The following POU2F2 variants were observed in gnomAD, a reference collection of about 807,000 sequenced individuals.
The protein encoded by POU2F2 is POU domain, class 2, transcription factor 2.
POU2F2 carries 14 observed loss-of-function variants against 63.5 expected under a neutral mutation model. That is an observed-to-expected ratio of 0.22 (90% CI 0.15 to 0.34). POU2F2 has a LOEUF of 0.34. POU2F2 is among the 10% of genes least tolerant of loss of function. POU2F2 has a pLI of 1.00. For synonymous variants in POU2F2, 306 were observed against 348.6 expected (o/e 0.88, Z 1.36); for missense variants, 607 against 815.2 (o/e 0.74, Z 3.11).
In POU2F2 at chr19:42,183,356, A is replaced by AT. The variant is rs544333125; in HGVS notation, c.-70+13026dup. Among the ~76,000 whole-genome samples the AT allele has an allele frequency of 3.7e-4, 56 of 152,344 alleles. 1 individual carries two copies. The South Asian group carries it at 0.011, about 29-fold the overall frequency. On this transcript the variant is annotated intron_variant, in intron 1 of 5. Transcript: ENST00000532176. Reference sequence around the variant, plus strand: ...GATGCAGAAGACCACACACTGTAGGATTCCATTTACATGAAATTCTAGACA... The same window carrying AT: ...GATGCAGAAGACCACACACTGTAGGATTTCCATTTACATGAAATTCTAGACA...
intron 5 of POU2F2, among the ~76,000 whole-genome samples, chr19:42,102,095 T>C (rs1332198055): frequency 2.0e-5 from 3 of 152,294 alleles, no homozygotes; most frequent in Non-Finnish European, 2.9e-5. Flanking sequence ...ACTACAATGT[T>C]CACGTGGACC....
chr19:42,122,847 A>G (rs2032808244), intron 1 of POU2F2, among the ~76,000 whole-genome samples: 1 of 152,194 alleles, frequency 6.6e-6, no homozygotes, highest in South Asian at 2.1e-4. Context: ...CCCACAGTGC[A>G]GCAAAGGGCA....
intron 1 of POU2F2, among the ~76,000 whole-genome samples, chr19:42,167,431 G>T (rs2034674539): frequency 6.6e-6 from 1 of 151,234 alleles, no homozygotes; most frequent in Non-Finnish European, 1.5e-5. Flanking sequence ...TCCAGCCTGG[G>T]CAACAGAGCA....
At chr19:42,107,236 T>A (rs939091631) in intron 5 of POU2F2, among the ~76,000 whole-genome samples, 3 of 151,948 alleles carry the variant, frequency 2.0e-5, no homozygotes, top group African/African-American at 7.3e-5. Context: ...GCGCCTGTAG[T>A]TGCAGCTACA....
At position 42,096,379 on chromosome 19, in the gene POU2F2, C is replaced by T; in HGVS notation, c.568-136G>A. On this transcript the variant is annotated intron_variant, in intron 7 of 14. Transcript: ENST00000692977. This position sits in a 1 kb window ranked among gnomAD's most constrained non-coding sequence, Gnocchi z 4.1. Reference sequence around the variant, plus strand: ...CCTGCAGACTCCCCCCGCCTTCCTCCACAAGCACCGTCAATCCCTTTAAAG... The same window carrying T: ...CCTGCAGACTCCCCCCGCCTTCCTCTACAAGCACCGTCAATCCCTTTAAAG... 1.1e-6 allele frequency: 1 copy of T among 916,282 alleles called. No individual in the cohort carries two copies. The allele number at this position is 916,282 out of a possible 1,614,324, so 56.8% of individuals were successfully genotyped here.
Position 42,095,616 on chromosome 19 carries a change from C to T in POU2F2, c.949G>A (p.Gly317Ser). 2 of 1,612,870 alleles carry T rather than the reference C, an allele frequency of 1.2e-6. No individual in the cohort carries two copies. The highest frequency in any genetic ancestry group is 8.5e-7 in the Non-Finnish European group (1 of 1,179,750). ...SPSLGFDGLP[G>S]RRRKKRTSIE... The stretch of plus-strand genomic sequence containing the variant: ...CTGGTCCTCTTCTTGCGTCTCCGGC[C>T]GGGCAGGCCGTCGAAACCCAGGCTG... The change falls in exon 10 of 15, where the codon GGC becomes AGC. Residue 317 changes from glycine to serine, a missense_variant. Transcript: ENST00000692977. The surrounding 1 kb of genome is among the most constrained non-coding windows in gnomAD (Gnocchi z 7.1).
intron 1 of POU2F2, among the ~76,000 whole-genome samples, chr19:42,192,474 G>GT (rs1168101125): frequency 6.6e-6 from 1 of 152,198 alleles, no homozygotes; most frequent in Non-Finnish European, 1.5e-5. Context: ...TAGGACAGGT[G>GT]TTTAAGCTGG....
upstream of POU2F2, among the ~76,000 whole-genome samples, chr19:42,180,343 A>G (rs1475108291): frequency 2.0e-5 from 3 of 152,270 alleles, no homozygotes; most frequent in South Asian, 4.1e-4. Flanking sequence ...CTTGCATACA[A>G]AGGCACATGG....
intron 1 of POU2F2, among the ~76,000 whole-genome samples, chr19:42,190,796 G>A (rs1482921077): frequency 1.3e-5 from 2 of 152,100 alleles, no homozygotes; most frequent in Non-Finnish European, 2.9e-5. Context: ...CAGGATAGTC[G>A]GAGTAACGTC....
chr19:42,141,473 C>CTTTTTTTTT (rs58221767), intron 2 of POU2F2, among the ~76,000 whole-genome samples: 1 of 98,976 alleles, frequency 1.0e-5, no homozygotes, highest in Non-Finnish European at 1.9e-5. Flanking sequence ...CTTAATTAAT[C>CTTTTTTTTT]TTTTTTTTTT....
intron 2 of POU2F2, among the ~76,000 whole-genome samples, chr19:42,159,130 T>C (rs1035035077): frequency 2.0e-5 from 3 of 152,174 alleles, no homozygotes. Flanking sequence ...AAATATGTTG[T>C]TTGGACCACG....
intron 1 of POU2F2, among the ~76,000 whole-genome samples, chr19:42,181,999 G>A (rs550125735): frequency 6.6e-6 from 1 of 152,188 alleles, no homozygotes; most frequent in Non-Finnish European, 1.5e-5. Context: ...CAAGTCTTGG[G>A]GCTCCCTTAT....
At position 42,153,094 on chromosome 19, in the gene POU2F2, C is replaced by G. The variant is rs1321887733; in HGVS notation, c.-9+7238G>C. Among the ~76,000 whole-genome samples the G allele has an allele frequency of 6.6e-6, 1 of 152,204 alleles. No individual in the cohort carries two copies. Among genetic ancestry groups the G allele is most frequent in the Non-Finnish European group, 1.5e-5 (1 of 68,034 alleles). On this transcript the variant is annotated intron_variant, in intron 2 of 6. Transcript: ENST00000524801. This position sits in a 1 kb window ranked among gnomAD's most constrained non-coding sequence, Gnocchi z 5.6. The stretch of plus-strand genomic sequence containing the variant: ...AGTTGCCTTGGCCTCACCCCAGGGT[C>G]TGGCCTGCACATGTGTGGTTGGGGT...
At chr19:42,186,173 A>T (rs191899609) in intron 1 of POU2F2, among the ~76,000 whole-genome samples, 203 of 152,140 alleles carry the variant, frequency 1.3e-3, no homozygotes, top group African/African-American at 4.6e-3. Flanking sequence ...ACAAAAAAAA[A>T]AATTAGCCGG....
chr19:42,129,538 G>A (rs1431893074), intron 1 of POU2F2, among the ~76,000 whole-genome samples: 1 of 152,148 alleles, frequency 6.6e-6, no homozygotes, highest in Non-Finnish European at 1.5e-5. Context: ...AGCACTTACC[G>A]AAAACGGGGC....
intron 1 of POU2F2, among the ~76,000 whole-genome samples, chr19:42,186,705 A>C (rs1403467145): frequency 6.6e-6 from 1 of 152,168 alleles, no homozygotes; most frequent in Non-Finnish European, 1.5e-5. Flanking sequence ...TGACATTGGT[A>C]TCAGGGACAT....
chr19:42,100,535 T>A (rs2077097267), intron 5 of POU2F2, among the ~76,000 whole-genome samples: 1 of 151,068 alleles, frequency 6.6e-6, no homozygotes, highest in Non-Finnish European at 1.5e-5. Context: ...CGGACACACC[T>A]GAGGCCAGGC....
intron 2 of POU2F2, among the ~76,000 whole-genome samples, chr19:42,142,827 A>T (rs1240349420): frequency 6.7e-6 from 1 of 149,602 alleles, no homozygotes; most frequent in Non-Finnish European, 1.5e-5. Flanking sequence ...GTCTCCCTAC[A>T]TGCTGGGGTT....
upstream of POU2F2, among the ~76,000 whole-genome samples, chr19:42,180,773 C>A (rs2034951462): frequency 6.6e-6 from 1 of 152,152 alleles, no homozygotes. Flanking sequence ...GTCACCCAGG[C>A]TGGAGTGCCG....
Sources: allele counts gnomAD v4.1 joint callset (sites outside exome capture counted in the v4.1 genomes callset), GRCh38; gene constraint gnomAD v4.1.1; non-coding constraint Gnocchi (gnomAD v3.1); transcripts MANE v1.5; gene names NCBI Gene and HGNC (gene_info 2026-07-23, HGNC 2026-07-21).